TSNAX: variants seen among roughly 807,000 people sequenced by gnomAD.
TSNAX encodes the protein translin associated factor X, also known as translin-associated protein X.
TSNAX carries 12 observed loss-of-function variants against 33.0 expected under a neutral mutation model. The observed-to-expected ratio is 0.36, with a 90% CI of 0.23 to 0.59. The LOEUF (loss-of-function observed/expected upper bound fraction) is 0.59, where lower values mean the gene tolerates loss of function less well. Ranked by LOEUF, TSNAX falls within the 20% of genes least tolerant of loss-of-function variation. TSNAX has a pLI of 0.74. For missense variants in TSNAX, 267 were observed against 341.3 expected (o/e 0.78, Z 1.72); for synonymous variants, 110 against 117.2 (o/e 0.94, Z 0.40).
At chr1:231,554,235 A>G (rs1473648360) in intron 4 of TSNAX, among the ~76,000 whole-genome samples, 1 of 152,112 alleles carries the variant, frequency 6.6e-6, no homozygotes, top group Admixed American at 6.5e-5. Flanking sequence ...TTGAACACTA[A>G]CCTTGTTAGA....
At position 231,564,404 on chromosome 1, in the gene TSNAX, C is replaced by T; in HGVS notation, c.496-124C>T. 10 of 1,466,918 alleles carry T rather than the reference C, an allele frequency of 6.8e-6. No individual in the cohort carries two copies. In the South Asian group the frequency reaches 1.5e-4, roughly 23 times the overall value. The allele number at this position is 1,466,918 out of a possible 1,614,324, so 90.9% of individuals were successfully genotyped here. A position where few individuals can be genotyped will look rare whatever the true frequency, so the allele number is the denominator to read the frequency against. ...TTTTATTTAGAAAAAATTAGTATGA[C>T]TGATTTGCTATTGATTTTGTACTTC... On this transcript the variant is annotated intron_variant, in intron 5 of 5. Coordinates refer to ENST00000366639, the MANE Select transcript of TSNAX (RefSeq NM_005999.3).
At position 231,559,984 on chromosome 1, in the gene TSNAX, TA is replaced by T. The variant is rs113314754; in HGVS notation, c.368-1143del. 4.1e-3 allele frequency among the ~76,000 whole-genome samples: 599 copies of T among 144,906 alleles called. 7 individuals carry two copies. Among genetic ancestry groups the T allele is most frequent in the African/African-American group, 0.014 (550 of 38,552 alleles). ...TCCAAATTATTATTATTATTATTAT[TA>T]TTTTTTTTTTTTTGCGACGAGTCTC... On this transcript the variant is annotated intron_variant, in intron 4 of 5. Transcript: ENST00000366639.
chr1:231,552,178 G>A (rs1028644743), intron 4 of TSNAX, among the ~76,000 whole-genome samples: 2 of 151,974 alleles, frequency 1.3e-5, no homozygotes, highest in African/African-American at 2.4e-5. Flanking sequence ...CCAGCTACTC[G>A]GGAGGCTGAG....
chr1:231,547,176 G>A (rs986027100), intron 4 of TSNAX, among the ~76,000 whole-genome samples: 1 of 151,874 alleles, frequency 6.6e-6, no homozygotes, highest in Non-Finnish European at 1.5e-5. Context: ...GCATTCATTT[G>A]TCTGTTTGAA....
At chr1:231,535,466 A>C (rs569238331) in intron 2 of TSNAX, 50 of 152,378 alleles carry the variant, frequency 3.3e-4, no homozygotes, top group African/African-American at 1.2e-3. Flanking sequence ...ATAGTGGTAT[A>C]ATGAAAGCTT....
chr1:231,553,513 C>T lies in TSNAX; in HGVS notation c.368-7615C>T, dbSNP rs181154982. Among the ~76,000 whole-genome samples, 8 of 152,188 alleles carry T rather than the reference C, an allele frequency of 5.3e-5. No individual in the cohort carries two copies. In the East Asian group the frequency reaches 1.2e-3, roughly 22 times the overall value. On this transcript the variant is annotated intron_variant, in intron 4 of 5. Coordinates refer to ENST00000366639, the MANE Select transcript of TSNAX (RefSeq NM_005999.3). Reference sequence around the variant, plus strand: ...ATGGCAGTACGTTGAAAATTTTCACCTTGGGGATTATTCACTGAAAATAGC... The same window carrying T: ...ATGGCAGTACGTTGAAAATTTTCACTTTGGGGATTATTCACTGAAAATAGC...
chr1:231,544,939 T>C (rs1242012157), intron 4 of TSNAX, among the ~76,000 whole-genome samples: 1 of 150,844 alleles, frequency 6.6e-6, no homozygotes, highest in Non-Finnish European at 1.5e-5. Flanking sequence ...TGGTCTCTTT[T>C]AGGCCTTCGT....
At chr1:231,557,492 T>C (rs926695406) in intron 4 of TSNAX, among the ~76,000 whole-genome samples, 3 of 152,130 alleles carry the variant, frequency 2.0e-5, no homozygotes, top group Non-Finnish European at 4.4e-5. Flanking sequence ...CCAAGCTAGA[T>C]TGAAGTAGGT....
At chr1:231,549,423 C>T (rs774736038) in intron 4 of TSNAX, among the ~76,000 whole-genome samples, 1 of 152,088 alleles carries the variant, frequency 6.6e-6, no homozygotes, top group Non-Finnish European at 1.5e-5. Flanking sequence ...CCGTCCCCGC[C>T]CCCAGCCCAA....
At chr1:231,553,682 C>CTTTTTTTTTTTTTTTTTTTTTTTT (rs5781656) in intron 4 of TSNAX, among the ~76,000 whole-genome samples, 1 of 133,756 alleles carries the variant, frequency 7.5e-6, no homozygotes, top group Non-Finnish European at 1.6e-5. Context: ...TCTTTCTTTC[C>CTTTTTTTTTTTTTTTTTTTTTTTT]TTTTTTTTTT....
rs1399444186 is a variant in TSNAX at position 231,566,300 on chromosome 1, A to G, written c.*1395A>G. ...AATGGTAATCGTTAGTAATATTTAGAATTGGAATTTGCCTACTGAAATAGT... is the reference window on the plus strand; with the variant it reads ...AATGGTAATCGTTAGTAATATTTAGGATTGGAATTTGCCTACTGAAATAGT... On this transcript the variant is annotated 3_prime_UTR_variant, in exon 6 of 6. Transcript: ENST00000366639. 1 of 152,568 alleles carries G rather than the reference A, an allele frequency of 6.6e-6. No individual in the cohort carries two copies. The highest frequency in any genetic ancestry group is 2.4e-5 in the African/African-American group (1 of 41,450). The allele number at this position is 152,568 out of a possible 1,614,324, so 9.5% of individuals were successfully genotyped here.
chr1:231,555,292 T>G (rs1660616522), intron 4 of TSNAX, among the ~76,000 whole-genome samples: 1 of 152,082 alleles, frequency 6.6e-6, no homozygotes, highest in African/African-American at 2.4e-5. Flanking sequence ...CAAAGTGAAA[T>G]AAGCCAATCA....
At chr1:231,532,131 AAC>A (rs745744924) in intron 2 of TSNAX, among the ~76,000 whole-genome samples, 2,994 of 84,862 alleles carry the variant, frequency 0.035, 57 homozygotes, top group Non-Finnish European at 0.039. Context: ...TAGTGGTAAT[AAC>A]ACACACACAC....
At chr1:231,559,720 T>G (rs560412372) in intron 4 of TSNAX, among the ~76,000 whole-genome samples, 15 of 152,264 alleles carry the variant, frequency 9.9e-5, no homozygotes, top group African/African-American at 3.1e-4. Flanking sequence ...ATATAAACAT[T>G]TTTAAAAGTA....
intron 2 of TSNAX, 162 bp from the exon 3 acceptor site, chr1:231,537,051 T>C: frequency 2.0e-6 from 1 of 489,178 alleles, no homozygotes; most frequent in Non-Finnish European, 3.7e-6. Flanking sequence ...CAGGATGGTC[T>C]TGATCTCTTG....
chr1:231,545,324 C>T (rs2124910669), intron 4 of TSNAX, among the ~76,000 whole-genome samples: 1 of 152,218 alleles, frequency 6.6e-6, no homozygotes. Flanking sequence ...TGTGCTTTTC[C>T]TCATTAAGAA....
At chr1:231,540,252 G>C (rs1659488953) in intron 3 of TSNAX, among the ~76,000 whole-genome samples, 1 of 151,292 alleles carries the variant, frequency 6.6e-6, no homozygotes, top group South Asian at 2.1e-4. Context: ...GTTGTGAGAG[G>C]ACCTCATGTA....
At chr1:231,549,070 T>C (rs1660127296) in intron 4 of TSNAX, among the ~76,000 whole-genome samples, 1 of 152,128 alleles carries the variant, frequency 6.6e-6, no homozygotes, top group African/African-American at 2.4e-5. Context: ...TTGAGAAAAT[T>C]CTTGCTCAGT....
intron 2 of TSNAX, among the ~76,000 whole-genome samples, chr1:231,532,161 CACACACACACACACACACACACACAG>C (rs1235996182): frequency 4.4e-5 from 4 of 91,912 alleles, no homozygotes; most frequent in African/African-American, 1.5e-4. Context: ...CACACACACA[CACACACACACACACACACACACACAG>C]TTTTGGTTTT....
Sources: allele counts gnomAD v4.1 joint callset (sites outside exome capture counted in the v4.1 genomes callset), GRCh38; gene constraint gnomAD v4.1.1; transcripts MANE v1.5; gene names NCBI Gene and HGNC (gene_info 2026-07-23, HGNC 2026-07-21).